NRP1: variants seen among roughly 807,000 people sequenced by gnomAD.
NRP1 encodes the protein neuropilin-1.
Under a neutral mutation model 106.7 loss-of-function variants are expected in NRP1, and 35 were observed. That is an observed-to-expected ratio of 0.33 (90% CI 0.25 to 0.43). The LOEUF is 0.43. Ranked by LOEUF, NRP1 falls within the 20% of genes least tolerant of loss-of-function variation. The pLI is 1.00. For missense variants in NRP1, 1,024 were observed against 1,170.4 expected, an observed-to-expected ratio of 0.87 and a Z score of 1.83; for synonymous variants, 437 against 417.9, an observed-to-expected ratio of 1.05 and a Z score of -0.56.
chr10:33,208,136 G>A (rs10827213), intron 9 of NRP1, among the ~76,000 whole-genome samples: 19,698 of 152,074 alleles, frequency 0.13, 1,639 homozygotes, highest in East Asian at 0.5. Flanking sequence ...ATGTTGCCCA[G>A]GCTTGTCTCG....
chr10:33,239,752 G>A (rs888600488), intron 6 of NRP1, among the ~76,000 whole-genome samples: 16 of 152,026 alleles, frequency 1.1e-4, no homozygotes, highest in Admixed American at 6.6e-4. Context: ...TACATTTTTC[G>A]CTATATCTAT....
intron 6 of NRP1, among the ~76,000 whole-genome samples, chr10:33,226,822 G>A (rs1839712223): frequency 6.6e-6 from 1 of 152,086 alleles, no homozygotes; most frequent in Admixed American, 6.5e-5. Context: ...TATGACTTGG[G>A]AGCCCCTGTT....
chr10:33,256,994 T>A (rs1842240616), intron 4 of NRP1, among the ~76,000 whole-genome samples: 1 of 152,194 alleles, frequency 6.6e-6, no homozygotes, highest in Admixed American at 6.5e-5. Flanking sequence ...CCTCATGCTA[T>A]CTTTTAGCCC....
At chr10:33,251,149 G>A (rs1194323952) in intron 6 of NRP1, among the ~76,000 whole-genome samples, 1 of 152,072 alleles carries the variant, frequency 6.6e-6, no homozygotes, top group African/African-American at 2.4e-5. Context: ...CATGATAGTG[G>A]GTGAGTTCTC....
chr10:33,300,537 C>T (rs1331324), intron 2 of NRP1, among the ~76,000 whole-genome samples: 2 of 152,002 alleles, frequency 1.3e-5, no homozygotes, highest in African/African-American at 4.8e-5. Context: ...CACATCTCAA[C>T]CCCCAATGCT....
Position 33,213,483 on chromosome 10 carries a change from C to T in NRP1, c.1517G>A (p.Arg506Gln), listed in dbSNP as rs554892989. The T allele has an allele frequency of 1.7e-5, 27 of 1,614,082 alleles. No homozygotes were observed. The highest frequency in any genetic ancestry group is 1.2e-4 in the Admixed American group (7 of 60,008). Residue 506 changes from arginine (R) to glutamine (Q), a missense_variant, in exon 9 of 17, where the codon CGA becomes CAA. Coordinates refer to ENST00000374867, the MANE Select transcript of NRP1 (RefSeq NM_003873.7). ...RGIIIQGGKH[R>Q]ENKVFMRKFK... ...CTTCCTCATGAACACCTTGTTCTCT[C>T]GGTGCTTCCCACCCTGAATGATGAT...
intron 2 of NRP1, among the ~76,000 whole-genome samples, chr10:33,302,787 C>A (rs1344274216): frequency 6.6e-6 from 1 of 152,152 alleles, no homozygotes; most frequent in Non-Finnish European, 1.5e-5. Context: ...GCCCCAGCAA[C>A]CTTGAGGGTC....
chr10:33,303,825 C>A (rs947563793), intron 2 of NRP1, among the ~76,000 whole-genome samples: 21 of 152,174 alleles, frequency 1.4e-4, no homozygotes. Flanking sequence ...GACCGTGACC[C>A]CTTCAAGGAC....
At chr10:33,319,924 CG>C (rs1847357248) in intron 2 of NRP1, among the ~76,000 whole-genome samples, 1 of 151,912 alleles carries the variant, frequency 6.6e-6, no homozygotes, top group African/African-American at 2.4e-5. Context: ...ACTCTCACTG[CG>C]AAAGTCCCCA....
At chr10:33,238,877 G>A (rs377283137) in intron 6 of NRP1, among the ~76,000 whole-genome samples, 155 of 151,034 alleles carry the variant, frequency 1.0e-3, no homozygotes, top group African/African-American at 3.6e-3. Context: ...TTTTTACTTA[G>A]TCTTTTGGGT....
At chr10:33,253,967 A>G (rs762904116) in intron 6 of NRP1, 61 bp downstream of exon 6, 2 of 1,487,052 alleles carry the variant, frequency 1.3e-6, no homozygotes, top group African/African-American at 1.4e-5. Flanking sequence ...TCTTTCAACA[A>G]CCTCTCTAGA....
At chr10:33,229,390 G>GACTGTCCA (rs1445649425) in intron 6 of NRP1, among the ~76,000 whole-genome samples, 1 of 152,144 alleles carries the variant, frequency 6.6e-6, no homozygotes, top group African/African-American at 2.4e-5. Flanking sequence ...GTGCTTTTCT[G>GACTGTCCA]ACTGTCCATT....
At chr10:33,206,737 C>T in intron 10 of NRP1, among the ~76,000 whole-genome samples, 1 of 152,174 alleles carries the variant, frequency 6.6e-6, no homozygotes, top group Admixed American at 6.5e-5. Context: ...GTGTAGGTTA[C>T]TCAGTTATGC....
intron 4 of NRP1, among the ~76,000 whole-genome samples, chr10:33,259,395 T>C (rs1035343353): frequency 6.6e-6 from 1 of 152,198 alleles, no homozygotes; most frequent in African/African-American, 2.4e-5. Flanking sequence ...GACCTTAGCC[T>C]AGCAAGCTAA....
chr10:33,208,469 G>A (rs930527442), intron 9 of NRP1, among the ~76,000 whole-genome samples: 17 of 152,140 alleles, frequency 1.1e-4, no homozygotes, highest in Admixed American at 5.2e-4. Flanking sequence ...TCACATGCAC[G>A]GGAAGATCAA....
intron 7 of NRP1, among the ~76,000 whole-genome samples, chr10:33,223,849 T>C (rs117593770): frequency 0.011 from 1,672 of 152,276 alleles, 11 homozygotes; most frequent in Non-Finnish European, 0.019. Context: ...ATGGGGGCAA[T>C]GAGTCCTTGT....
chr10:33,196,856 A>G (rs1836822437), intron 12 of NRP1, among the ~76,000 whole-genome samples: 1 of 152,230 alleles, frequency 6.6e-6, no homozygotes, highest in Non-Finnish European at 1.5e-5. Flanking sequence ...GCAGAAGCCA[A>G]GACTGAGTGA....
At chr10:33,202,320 T>G in intron 11 of NRP1, 3 of 219,056 alleles carry the variant, frequency 1.4e-5, no homozygotes, top group East Asian at 1.1e-4. Flanking sequence ...TAGTGAGACA[T>G]TTGGCACACA....
intron 6 of NRP1, among the ~76,000 whole-genome samples, chr10:33,232,268 C>T (rs1840199259): frequency 6.6e-6 from 1 of 152,214 alleles, no homozygotes; most frequent in South Asian, 2.1e-4. Flanking sequence ...AATTCAGACA[C>T]ACAATAACCA....
Sources: gnomAD v4.1 joint callset for allele counts (sites outside exome capture counted in the v4.1 genomes callset) on GRCh38, gnomAD v4.1.1 for gene constraint, MANE v1.5 for transcripts, NCBI Gene and HGNC (gene_info 2026-07-23, HGNC 2026-07-21) for gene names.